The following TMCC1 variants were observed in gnomAD, a reference collection of about 807,000 sequenced individuals.
The protein encoded by TMCC1 is transmembrane and coiled-coil domains protein 1.
TMCC1 carries 15 observed loss-of-function variants against 52.4 expected under a neutral mutation model. The ratio of observed to expected loss-of-function variants is 0.29; its 90% confidence interval spans 0.19 to 0.44. TMCC1 has a LOEUF of 0.44. TMCC1 is among the 20% of genes least tolerant of loss of function. TMCC1 has a pLI of 1.00. For missense variants in TMCC1, 503 were observed against 806.0 expected (o/e 0.62, Z 4.55); for synonymous variants, 279 against 301.9 (o/e 0.92, Z 0.79).
chr3:129,771,812 A>AAG (rs1560384013), intron 4 of TMCC1, among the ~76,000 whole-genome samples: 7 of 131,556 alleles, frequency 5.3e-5, no homozygotes, highest in Non-Finnish European at 8.6e-5. Flanking sequence ...AGAAGAAGAA[A>AAG]AAACAATTGA....
chr3:129,765,413 T>C (rs1161019709), intron 4 of TMCC1, among the ~76,000 whole-genome samples: 1 of 152,088 alleles, frequency 6.6e-6, no homozygotes, highest in Non-Finnish European at 1.5e-5. Flanking sequence ...TATTTATCAG[T>C]AAATATACTC....
intron 2 of TMCC1, among the ~76,000 whole-genome samples, chr3:129,870,765 A>C (rs1242531323): frequency 1.4e-5 from 2 of 147,062 alleles, no homozygotes; most frequent in Admixed American, 1.4e-4. Flanking sequence ...ATCTCAAAAA[A>C]AAAAAAAAAA....
At chr3:129,823,093 A>G (rs1302607803) in intron 4 of TMCC1, among the ~76,000 whole-genome samples, 1 of 152,222 alleles carries the variant, frequency 6.6e-6, no homozygotes, top group Admixed American at 6.5e-5. Context: ...TGAGAGGCTG[A>G]GGCAGGTGGA....
intron 4 of TMCC1, among the ~76,000 whole-genome samples, chr3:129,785,560 TACAC>T (rs10656814): frequency 0.012 from 1,736 of 146,122 alleles, 30 homozygotes; most frequent in African/African-American, 0.041. Context: ...TCAATATACA[TACAC>T]ACACACACAC....
intron 4 of TMCC1, among the ~76,000 whole-genome samples, chr3:129,677,965 C>T (rs112062922): frequency 0.097 from 14,755 of 152,198 alleles, 836 homozygotes; most frequent in African/African-American, 0.16. Context: ...CTCGCTCTGT[C>T]GCCCAGGCTG....
intron 4 of TMCC1, among the ~76,000 whole-genome samples, chr3:129,743,476 A>C (rs1223053499): frequency 6.6e-6 from 1 of 152,194 alleles, no homozygotes; most frequent in Non-Finnish European, 1.5e-5. Context: ...CTGTGGAATT[A>C]AGCAGCTACC....
chr3:129,677,464 AT>A (rs2108906913), intron 4 of TMCC1, among the ~76,000 whole-genome samples: 1 of 152,358 alleles, frequency 6.6e-6, no homozygotes, highest in East Asian at 1.9e-4. Context: ...TACATATAAT[AT>A]TCATGTGCAG....
At chr3:129,704,671 G>A (rs748646241) in intron 4 of TMCC1, among the ~76,000 whole-genome samples, 3 of 152,182 alleles carry the variant, frequency 2.0e-5, no homozygotes, top group East Asian at 1.9e-4. Context: ...CTCCCACCTC[G>A]GCCTCCCAAA....
chr3:129,761,524 T>C (rs1196727242), intron 4 of TMCC1, among the ~76,000 whole-genome samples: 1 of 152,028 alleles, frequency 6.6e-6, no homozygotes, highest in Non-Finnish European at 1.5e-5. Context: ...GTTTTAAAAT[T>C]AGTATACTTT....
chr3:129,834,535 A>G (rs1349084454), intron 2 of TMCC1, among the ~76,000 whole-genome samples: 1 of 152,176 alleles, frequency 6.6e-6, no homozygotes, highest in Non-Finnish European at 1.5e-5. Context: ...ACTTGATATA[A>G]CAGAAAATAA....
intron 4 of TMCC1, among the ~76,000 whole-genome samples, chr3:129,695,565 G>A (rs887835008): frequency 4.6e-5 from 7 of 152,006 alleles, no homozygotes; most frequent in African/African-American, 1.2e-4. Flanking sequence ...CAAGCAAAAG[G>A]GGGAAAGCCC....
intron 2 of TMCC1, among the ~76,000 whole-genome samples, chr3:129,875,299 C>A (rs917255402): frequency 2.0e-5 from 3 of 151,656 alleles, no homozygotes; most frequent in Non-Finnish European, 2.9e-5. Context: ...ACCAGCCTGG[C>A]CAACATGGCG....
intron 4 of TMCC1, among the ~76,000 whole-genome samples, chr3:129,822,748 G>T (rs554098154): frequency 1.6e-4 from 24 of 152,098 alleles, no homozygotes; most frequent in Admixed American, 3.3e-4. Context: ...ACTTCAGGCA[G>T]GTTTTTAACA....
intron 2 of TMCC1, among the ~76,000 whole-genome samples, chr3:129,877,535 T>C (rs1577193709): frequency 6.6e-6 from 1 of 152,118 alleles, no homozygotes; most frequent in East Asian, 1.9e-4. Context: ...TAATCTATTT[T>C]AACAATACCC....
At chr3:129,812,304 TC>T (rs2057857194) in intron 4 of TMCC1, among the ~76,000 whole-genome samples, 1 of 111,534 alleles carries the variant, frequency 9.0e-6, no homozygotes, top group Non-Finnish European at 1.6e-5. Context: ...GCCACTGCAC[TC>T]CAGCCTAGGC....
intron 1 of TMCC1, among the ~76,000 whole-genome samples, chr3:129,885,173 G>C (rs1185719607): frequency 2.0e-5 from 3 of 151,908 alleles, no homozygotes; most frequent in Non-Finnish European, 4.4e-5. Flanking sequence ...CTACAGCAAA[G>C]AATGTTCCTT....
chr3:129,806,683 A>T (rs935289601), intron 4 of TMCC1, among the ~76,000 whole-genome samples: 14 of 152,232 alleles, frequency 9.2e-5, no homozygotes, highest in Non-Finnish European at 1.9e-4. Context: ...GAAGACAGAC[A>T]TATTACAAGA....
chr3:129,760,158 A>G (rs183613873), intron 4 of TMCC1, among the ~76,000 whole-genome samples: 1 of 152,132 alleles, frequency 6.6e-6, no homozygotes. Context: ...ACATCTTCCA[A>G]TGGTGTGGTA....
At chr3:129,888,220 G>A (rs2061810017) in intron 1 of TMCC1, among the ~76,000 whole-genome samples, 1 of 152,202 alleles carries the variant, frequency 6.6e-6, no homozygotes, top group South Asian at 2.1e-4. Context: ...TATAAGCAAG[G>A]TAAGGTTAGA....
Sources: gnomAD v4.1 joint callset for allele counts (sites outside exome capture counted in the v4.1 genomes callset) on GRCh38, gnomAD v4.1.1 for gene constraint, MANE v1.5 for transcripts, NCBI Gene and HGNC (gene_info 2026-07-23, HGNC 2026-07-21) for gene names.